HTR2C: variants seen among roughly 807,000 people sequenced by gnomAD.
HTR2C encodes 5-hydroxytryptamine receptor 2C, also known as 5-hydroxytryptamine (serotonin) receptor 2C, G protein-coupled.
HTR2C carries 5 observed loss-of-function variants against 21.0 expected under a neutral mutation model. The observed-to-expected ratio is 0.24, with a 90% CI of 0.12 to 0.50. The LOEUF is 0.50. Among genes scored for constraint, HTR2C ranks in the 20% least tolerant of loss-of-function variants. HTR2C has a pLI of 0.98. For missense variants in HTR2C, 271 were observed against 371.2 expected, an observed-to-expected ratio of 0.73 and a Z score of 2.22; for synonymous variants, 150 against 145.3, an observed-to-expected ratio of 1.03 and a Z score of -0.23.
chrX:114,688,704 G>T (rs1556414644), intron 2 of HTR2C, among the ~76,000 whole-genome samples: 1 of 111,802 alleles, frequency 8.9e-6, no homozygotes, highest in Non-Finnish European at 1.9e-5. Flanking sequence ...CTATAAGCTA[G>T]TAAGTAAATA....
At chrX:114,699,943 GCA>G (rs1932408010) in intron 2 of HTR2C, among the ~76,000 whole-genome samples, 1 of 83,762 alleles carries the variant, frequency 1.2e-5, no homozygotes, top group Non-Finnish European at 2.4e-5. Flanking sequence ...TTAGCCTATT[GCA>G]TTTCTTTTGA....
intron 4 of HTR2C, among the ~76,000 whole-genome samples, chrX:114,740,190 T>C (rs1345878465): frequency 9.1e-6 from 1 of 109,654 alleles, no homozygotes; most frequent in Non-Finnish European, 1.9e-5. Context: ...TATATATATA[T>C]ATATGGTCCT....
chrX:114,840,712 GATTA>G (rs1291229999), intron 4 of HTR2C, among the ~76,000 whole-genome samples: 1 of 111,526 alleles, frequency 9.0e-6, no homozygotes, highest in Non-Finnish European at 1.9e-5. Context: ...AAATTCTGAT[GATTA>G]ATCTAAGAAA....
At chrX:114,820,929 T>C (rs2070627123) in intron 4 of HTR2C, among the ~76,000 whole-genome samples, 1 of 111,836 alleles carries the variant, frequency 8.9e-6, no homozygotes, top group South Asian at 3.7e-4. Context: ...TTCTCTTTTC[T>C]GTTAATTAAA....
At chrX:114,761,919 G>A (rs1556432516) in intron 4 of HTR2C, among the ~76,000 whole-genome samples, 243 of 106,807 alleles carry the variant, frequency 2.3e-3, no homozygotes, top group South Asian at 4.4e-3. Flanking sequence ...GTATATATAC[G>A]TGTATATATA....
chrX:114,771,072 G>A (rs1373424717), intron 4 of HTR2C, among the ~76,000 whole-genome samples: 2 of 111,234 alleles, frequency 1.8e-5, no homozygotes, highest in African/African-American at 6.5e-5. Flanking sequence ...AAAGTGCTGG[G>A]ATTACAGGCG....
chrX:114,727,927 T>C (rs782079808), intron 3 of HTR2C, among the ~76,000 whole-genome samples: 2 of 111,504 alleles, frequency 1.8e-5, no homozygotes, highest in Non-Finnish European at 3.8e-5. Flanking sequence ...GAGTTGGGTA[T>C]GGGAAAATGA....
intron 5 of HTR2C, among the ~76,000 whole-genome samples, chrX:114,871,971 T>G (rs2071095701): frequency 9.9e-6 from 1 of 101,449 alleles, no homozygotes; most frequent in African/African-American, 3.5e-5. Context: ...AAATATCCCC[T>G]TATAATACAG....
At chrX:114,762,304 A>T (rs2069887513) in intron 4 of HTR2C, among the ~76,000 whole-genome samples, 1 of 96,417 alleles carries the variant, frequency 1.0e-5, no homozygotes, top group African/African-American at 3.8e-5. Context: ...GTGTAGATCC[A>T]TCATATTTTC....
At chrX:114,593,974 A>T (rs1010342039) in intron 1 of HTR2C, among the ~76,000 whole-genome samples, 12 of 112,086 alleles carry the variant, frequency 1.1e-4, no homozygotes, top group Non-Finnish European at 1.7e-4. Context: ...CATTCACTCC[A>T]GTGCCCTACA....
At chrX:114,690,840 G>A (rs1485310802) in intron 2 of HTR2C, among the ~76,000 whole-genome samples, 1 of 111,108 alleles carries the variant, frequency 9.0e-6, no homozygotes, top group African/African-American at 3.3e-5. Context: ...TACATTTATC[G>A]TGTCATGGAA....
At chrX:114,691,070 A>G (rs1932093806) in intron 2 of HTR2C, among the ~76,000 whole-genome samples, 3 of 111,375 alleles carry the variant, frequency 2.7e-5, no homozygotes, top group Admixed American at 1.9e-4. Flanking sequence ...ATTTTATAGA[A>G]GAAGCAATTG....
At chrX:114,636,312 C>G (rs1602653007) in intron 2 of HTR2C, among the ~76,000 whole-genome samples, 1 of 110,886 alleles carries the variant, frequency 9.0e-6, no homozygotes, top group African/African-American at 3.3e-5. Flanking sequence ...GCAGGTTTTC[C>G]TATTTTGAAG....
At chrX:114,805,940 CAT>C (rs199682808) in intron 4 of HTR2C, among the ~76,000 whole-genome samples, 370 of 8,141 alleles carry the variant, frequency 0.045, 8 homozygotes, top group African/African-American at 0.071. Context: ...ATATATATAC[CAT>C]ATATATATAC....
At chrX:114,881,268 A>T (rs2071178946) in intron 5 of HTR2C, among the ~76,000 whole-genome samples, 1 of 111,142 alleles carries the variant, frequency 9.0e-6, no homozygotes, top group Non-Finnish European at 1.9e-5. Flanking sequence ...AAGACACATA[A>T]TGATTTGAAA....
intron 4 of HTR2C, among the ~76,000 whole-genome samples, chrX:114,786,260 T>G (rs2070173397): frequency 8.9e-6 from 1 of 111,781 alleles, no homozygotes; most frequent in Non-Finnish European, 1.9e-5. Context: ...AAAAAGCAAT[T>G]TAGCATTATA....
chrX:114,807,038 CAT>C lies in HTR2C; in HGVS notation c.350-40957_350-40956del, dbSNP rs367854507. On this transcript the variant is annotated intron_variant, in intron 4 of 5. Transcript: ENST00000276198. Reference sequence around the variant, plus strand: ...TATATACCATATATACCATATACACCATATATATACCATATATACACCATATA... The same window carrying C: ...TATATACCATATATACCATATACACCATATATACCATATATACACCATATA... Among the ~76,000 whole-genome samples the C allele has an allele frequency of 1.7e-4, 5 of 29,077 alleles. 1 individual carries two copies. The highest frequency in any genetic ancestry group is 2.1e-4 in the African/African-American group (3 of 13,992). 25.2% of individuals were successfully genotyped at this position (29,077 alleles called of 115,157 possible). A position where few individuals can be genotyped will look rare whatever the true frequency, so the allele number is the denominator to read the frequency against.
intron 4 of HTR2C, among the ~76,000 whole-genome samples, chrX:114,815,937 T>A (rs143968323): frequency 1.2e-3 from 128 of 110,757 alleles, no homozygotes; most frequent in African/African-American, 4.0e-3. Flanking sequence ...TCATTACTGA[T>A]CTCCTTGACA....
chrX:114,603,324 T>G (rs1310679411), intron 1 of HTR2C, among the ~76,000 whole-genome samples: 5 of 109,930 alleles, frequency 4.5e-5, no homozygotes, highest in African/African-American at 1.7e-4. Flanking sequence ...AGAGAGAGAT[T>G]TGACATAGTT....
Sources: allele counts gnomAD v4.1 joint callset (sites outside exome capture counted in the v4.1 genomes callset), GRCh38; gene constraint gnomAD v4.1.1; transcripts MANE v1.5; gene names NCBI Gene and HGNC (gene_info 2026-07-23, HGNC 2026-07-21).